Variants in BMP5 observed in about 807,000 individuals in gnomAD.
BMP5 encodes bone morphogenetic protein 5.
In BMP5, 23 loss-of-function variants were observed where a neutral mutation model predicts 46.6. That is an observed-to-expected ratio of 0.49 (90% confidence interval 0.35 to 0.70). The LOEUF (loss-of-function observed/expected upper bound fraction) is 0.70, where lower values mean the gene tolerates loss of function less well. Among genes scored for constraint, BMP5 ranks in the 30% least tolerant of loss-of-function variants. The pLI is 0.00. For synonymous variants in BMP5, 204 were observed against 191.9 expected (o/e 1.06, Z -0.52); for missense variants, 545 against 565.6 (o/e 0.96, Z 0.37).
At chr6:55,776,429 A>G (rs1474227082) in intron 3 of BMP5, among the ~76,000 whole-genome samples, 1 of 150,444 alleles carries the variant, frequency 6.6e-6, no homozygotes, top group Non-Finnish European at 1.5e-5. Context: ...AGATGTTTCC[A>G]GTGACAGAGA....
intron 1 of BMP5, among the ~76,000 whole-genome samples, chr6:55,869,190 C>T (rs1777720922): frequency 6.6e-6 from 1 of 152,134 alleles, no homozygotes; most frequent in South Asian, 2.1e-4. Context: ...CCCCCTCCTT[C>T]CCCACTTCGG....
chr6:55,772,798 TC>T (rs1775078485), intron 4 of BMP5: 1 of 985,008 alleles, frequency 1.0e-6, no homozygotes, highest in Non-Finnish European at 1.2e-6. Context: ...ACAGAAATCT[TC>T]CCTCCTGCTT....
At chr6:55,756,889 C>T (rs1774619814) in intron 6 of BMP5, among the ~76,000 whole-genome samples, 1 of 151,850 alleles carries the variant, frequency 6.6e-6, no homozygotes, top group Admixed American at 6.6e-5. Context: ...ATGGATTGTT[C>T]TTGAATGGTT....
At chr6:55,857,130 C>T (rs559802775) in intron 1 of BMP5, among the ~76,000 whole-genome samples, 20 of 152,244 alleles carry the variant, frequency 1.3e-4, no homozygotes, top group Non-Finnish European at 2.1e-4. Context: ...TTTTCTTCTG[C>T]TCATGCAGTC....
intron 1 of BMP5, among the ~76,000 whole-genome samples, chr6:55,852,582 A>C (rs1372995282): frequency 6.6e-6 from 1 of 152,104 alleles, no homozygotes; most frequent in Non-Finnish European, 1.5e-5. Flanking sequence ...CATAGAAGAA[A>C]TCCATTGTGT....
chr6:55,807,071 T>A (rs893419904), intron 2 of BMP5, among the ~76,000 whole-genome samples: 2 of 152,172 alleles, frequency 1.3e-5, no homozygotes, highest in Non-Finnish European at 2.9e-5. Flanking sequence ...TTCTTTCTCT[T>A]GCCTGATTGC....
At chr6:55,779,473 T>C (rs1775255316) in intron 3 of BMP5, among the ~76,000 whole-genome samples, 1 of 152,098 alleles carries the variant, frequency 6.6e-6, no homozygotes, top group Non-Finnish European at 1.5e-5. Flanking sequence ...TGATTAACTT[T>C]GATTCTGGTA....
intron 4 of BMP5, among the ~76,000 whole-genome samples, chr6:55,773,445 A>C (rs769000283): frequency 4.0e-4 from 61 of 151,866 alleles, no homozygotes; most frequent in Non-Finnish European, 7.5e-4. Flanking sequence ...TAACAGATTA[A>C]TTTGCAAAGA....
At chr6:55,863,228 A>G (rs1355493522) in intron 1 of BMP5, among the ~76,000 whole-genome samples, 3 of 152,216 alleles carry the variant, frequency 2.0e-5, no homozygotes, top group African/African-American at 4.8e-5. Flanking sequence ...AATTTAGATC[A>G]AACCACATAA....
In BMP5 at chr6:55,759,128, C is replaced by A; in HGVS notation, c.1105-13G>T. ...CTATAATCCAGTCCTGACACATACA[C>A]ACACACACACACACACAAAAAAAAA... On this transcript the variant is annotated splice_polypyrimidine_tract_variant and intron_variant, in intron 5 of 6. Transcript: ENST00000370830. The A allele has an allele frequency of 3.4e-6, 1 of 296,966 alleles. No individual in the cohort carries two copies. The highest frequency in any genetic ancestry group is 6.0e-6 in the Non-Finnish European group (1 of 167,640). 18.4% of individuals were successfully genotyped at this position (296,966 alleles called of 1,614,324 possible).
chr6:55,821,962 G>A (rs1298055957), intron 1 of BMP5, among the ~76,000 whole-genome samples: 1 of 152,200 alleles, frequency 6.6e-6, no homozygotes, highest in African/African-American at 2.4e-5. Context: ...ATGACATCAT[G>A]TGACCATATC....
chr6:55,765,729 GTTGT>G (rs1261350134), intron 4 of BMP5, among the ~76,000 whole-genome samples: 2 of 152,108 alleles, frequency 1.3e-5, no homozygotes, highest in African/African-American at 4.8e-5. Flanking sequence ...AATACGTACT[GTTGT>G]TTATTTTGTA....
intron 1 of BMP5, among the ~76,000 whole-genome samples, chr6:55,821,606 TAAGA>T (rs1776411617): frequency 6.6e-6 from 1 of 152,176 alleles, no homozygotes; most frequent in African/African-American, 2.4e-5. Context: ...ATCTTGGTCC[TAAGA>T]AAGGTCCATT....
At chr6:55,826,320 A>G (rs1776531140) in intron 1 of BMP5, among the ~76,000 whole-genome samples, 1 of 151,922 alleles carries the variant, frequency 6.6e-6, no homozygotes, top group African/African-American at 2.4e-5. Context: ...ACTCATAAAT[A>G]TTTCATGAAT....
At chr6:55,811,994 G>C (rs970501966) in intron 2 of BMP5, among the ~76,000 whole-genome samples, 6 of 152,036 alleles carry the variant, frequency 3.9e-5, no homozygotes, top group Non-Finnish European at 8.8e-5. Context: ...CTATTTACTC[G>C]GCCTTATGTC....
intron 1 of BMP5, among the ~76,000 whole-genome samples, chr6:55,837,666 ACT>A (rs1412165864): frequency 3.3e-5 from 5 of 152,038 alleles, no homozygotes; most frequent in African/African-American, 1.2e-4. Flanking sequence ...GTCCAATTAT[ACT>A]CTTTCAGTTA....
rs1774556746 is a variant in BMP5 at position 55,755,294 on chromosome 6, T to A, written c.*239A>T. 4 of 382,310 alleles carry A rather than the reference T, an allele frequency of 1.0e-5. No homozygotes were observed. In the Admixed American group the frequency reaches 1.3e-4, roughly 12 times the overall value. The allele number at this position is 382,310 out of a possible 1,614,324, so 23.7% of individuals were successfully genotyped here. ...ATAACCCATTGAAAATTATACTAGA[T>A]GATCTATTGTATAATGTAGTGGCCT... On this transcript the variant is annotated 3_prime_UTR_variant, in exon 7 of 7. Coordinates refer to ENST00000370830, the MANE Select transcript of BMP5 (RefSeq NM_021073.4).
chr6:55,806,968 G>A (rs1201394296), intron 2 of BMP5, among the ~76,000 whole-genome samples: 1 of 152,086 alleles, frequency 6.6e-6, no homozygotes, highest in Non-Finnish European at 1.5e-5. Flanking sequence ...GGAGTTTGGG[G>A]GCTGAGACAA....
chr6:55,831,666 C>T (rs77859748), intron 1 of BMP5, among the ~76,000 whole-genome samples: 3,958 of 151,668 alleles, frequency 0.026, 163 homozygotes, highest in African/African-American at 0.088. Context: ...TGTCCAGAAT[C>T]AGCCAAATAA....
Sources: allele counts gnomAD v4.1 joint callset (sites outside exome capture counted in the v4.1 genomes callset), GRCh38; gene constraint gnomAD v4.1.1; transcripts MANE v1.5; gene names NCBI Gene and HGNC (gene_info 2026-07-23, HGNC 2026-07-21).